The following KIAA1671 variants were observed in gnomAD, a reference collection of about 807,000 sequenced individuals.
KIAA1671 encodes the protein uncharacterized protein KIAA1671.
A neutral mutation model predicts 131.2 loss-of-function variants in KIAA1671; 52 were observed. The observed-to-expected ratio is 0.40, with a 90% confidence interval of 0.32 to 0.50. The LOEUF (loss-of-function observed/expected upper bound fraction) is 0.50, where lower values mean the gene tolerates loss of function less well. Among genes scored for constraint, KIAA1671 ranks in the 20% least tolerant of loss-of-function variants. KIAA1671 has a pLI of 0.73. For synonymous variants in KIAA1671, 1,003 were observed against 961.6 expected (o/e 1.04, Z -0.80); for missense variants, 2,360 against 2,364.2 (o/e 1.00, Z 0.04).
At chr22:25,151,070 A>G (rs1933023365) in intron 6 of KIAA1671, among the ~76,000 whole-genome samples, 1 of 151,604 alleles carries the variant, frequency 6.6e-6, no homozygotes, top group Admixed American at 6.6e-5. Context: ...TTCTGACCTC[A>G]TGATCCGCCT....
intron 2 of KIAA1671, among the ~76,000 whole-genome samples, chr22:25,027,434 G>A (rs1291646657): frequency 1.3e-5 from 2 of 152,180 alleles, no homozygotes; most frequent in African/African-American, 2.4e-5. Context: ...CTGGGATGTG[G>A]GCAGGCTCTG....
At chr22:25,130,833 C>G (rs1233192447) in intron 6 of KIAA1671, among the ~76,000 whole-genome samples, 1 of 152,158 alleles carries the variant, frequency 6.6e-6, no homozygotes, top group Non-Finnish European at 1.5e-5. Flanking sequence ...GAGTCCCATG[C>G]CTGAATGTCA....
chr22:25,178,264 G>A (rs1438448664), intron 9 of KIAA1671, among the ~76,000 whole-genome samples: 3 of 152,186 alleles, frequency 2.0e-5, no homozygotes, highest in African/African-American at 7.2e-5. Context: ...GAGGCCTAGA[G>A]TCAGGCCTCG....
intron 6 of KIAA1671, among the ~76,000 whole-genome samples, chr22:25,150,835 G>GTTTTTTTTTTTT (rs1933010529): frequency 1.3e-4 from 15 of 111,252 alleles, no homozygotes; most frequent in Non-Finnish European, 2.2e-4. Flanking sequence ...TGGGTCCTTT[G>GTTTTTTTTTTTT]CTTTTTTTTT....
Position 25,197,377 on chromosome 22 carries a change from G to C in KIAA1671, c.*4976G>C, listed in dbSNP as rs1428771405. The C allele has an allele frequency of 1.3e-5, 2 of 152,234 alleles. No homozygotes were observed. The highest frequency in any genetic ancestry group is 3.8e-4 in the East Asian group (2 of 5,204). 9.4% of individuals were successfully genotyped at this position (152,234 alleles called of 1,614,324 possible). On this transcript the variant is annotated 3_prime_UTR_variant, in exon 13 of 13. Coordinates refer to ENST00000358431, the MANE Select transcript of KIAA1671 (RefSeq NM_001145206.2). ...ACTGCAATAAAACAAGATGACCTTT[G>C]CATGTACAAAGATGTTGCATTCAGA...
At chr22:25,144,162 C>T (rs1400656783) in intron 6 of KIAA1671, among the ~76,000 whole-genome samples, 2 of 152,168 alleles carry the variant, frequency 1.3e-5, no homozygotes, top group Admixed American at 6.5e-5. Flanking sequence ...TGCCCCTTCC[C>T]TTTTTTAACT....
chr22:25,047,379 G>C (rs1927302271), intron 5 of KIAA1671, among the ~76,000 whole-genome samples: 1 of 151,762 alleles, frequency 6.6e-6, no homozygotes, highest in African/African-American at 2.4e-5. Context: ...TTGAACTCCT[G>C]ACCTCAAGTG....
chr22:25,072,999 C>T (rs1928910438), intron 6 of KIAA1671, among the ~76,000 whole-genome samples: 1 of 152,194 alleles, frequency 6.6e-6, no homozygotes, highest in African/African-American at 2.4e-5. Context: ...TAATGTTGCC[C>T]ATTCACTAGG....
At chr22:25,081,510 T>C (rs1182667013) in intron 6 of KIAA1671, among the ~76,000 whole-genome samples, 1 of 152,274 alleles carries the variant, frequency 6.6e-6, no homozygotes, top group African/African-American at 2.4e-5. Context: ...AAGGGAGGAA[T>C]TGAACCCACA....
Position 25,106,738 on chromosome 22 carries a change from CA to C in KIAA1671, c.4530+57379del, listed in dbSNP as rs1931022739. On this transcript the variant is annotated intron_variant, in intron 6 of 12. Coordinates refer to ENST00000358431, the MANE Select transcript of KIAA1671 (RefSeq NM_001145206.2). The stretch of plus-strand genomic sequence containing the variant: ...TGTTTTTAAAAAATTAAAATTAATG[CA>C]AAAATTTGTGATGAGAAAGGAATCA... Among the ~76,000 whole-genome samples, 3 of 152,086 alleles carry C rather than the reference CA, an allele frequency of 2.0e-5. No homozygotes were observed. The South Asian group carries it at 6.2e-4, about 32-fold the overall frequency.
intron 6 of KIAA1671, chr22:25,062,865 G>T (rs1407499116): frequency 7.5e-6 from 1 of 133,934 alleles, no homozygotes; most frequent in African/African-American, 2.9e-5. Context: ...TGTTTTCAGT[G>T]ATTTCAAATG....
At chr22:24,988,795 G>C (rs1923690142) in intron 1 of KIAA1671, among the ~76,000 whole-genome samples, 1 of 151,582 alleles carries the variant, frequency 6.6e-6, no homozygotes, top group African/African-American at 2.4e-5. Flanking sequence ...ATTGTGGTCC[G>C]GTGTCAGACC....
intron 6 of KIAA1671, among the ~76,000 whole-genome samples, chr22:25,155,966 G>A (rs1384131817): frequency 1.4e-5 from 2 of 138,064 alleles, no homozygotes; most frequent in Non-Finnish European, 3.1e-5. Context: ...ATATATGTAT[G>A]TGTGTATTTG....
chr22:25,029,578 C>T, intron 3 of KIAA1671, 38 bp downstream of exon 3: 1 of 1,407,826 alleles, frequency 7.1e-7, no homozygotes, highest in Non-Finnish European at 9.5e-7. Flanking sequence ...CTCAGCCGCC[C>T]ACCCACACAC....
intron 1 of KIAA1671, among the ~76,000 whole-genome samples, chr22:24,979,769 T>G (rs1923131055): frequency 2.0e-5 from 3 of 152,150 alleles, no homozygotes; most frequent in Admixed American, 2.0e-4. Flanking sequence ...CTTCTACTCA[T>G]GAACAACGCC....
chr22:24,992,641 C>T (rs1923901028), intron 1 of KIAA1671, among the ~76,000 whole-genome samples: 1 of 151,540 alleles, frequency 6.6e-6, no homozygotes, highest in Non-Finnish European at 1.5e-5. Flanking sequence ...ATGGTGAAAC[C>T]CCCTCTCTAC....
rs1380158023 is a variant in KIAA1671 at position 25,039,506 on chromosome 22, C to T, written c.2376C>T (p.Ser792=). 3.9e-6 allele frequency: 6 copies of T among 1,551,746 alleles called. No homozygotes were observed. The East Asian group carries it at 7.3e-5, about 19-fold the overall frequency. ...GTGGTTTGGAAGGTCAGGCGGGGTC[C>T]GTCCAAAGGGCCAGTTTGATTTGGG... The part of the protein sequence containing the change: ...LECGLEGQAG[S]VQRASLIWEA... The change falls in exon 5 of 13, where the codon TCC becomes TCT. Residue 792 remains serine (S), a synonymous_variant. Coordinates refer to ENST00000358431, the MANE Select transcript of KIAA1671 (RefSeq NM_001145206.2).
intron 6 of KIAA1671, among the ~76,000 whole-genome samples, chr22:25,082,061 G>A (rs1289826183): frequency 6.6e-6 from 1 of 152,126 alleles, no homozygotes; most frequent in Non-Finnish European, 1.5e-5. Flanking sequence ...TACCCGCACT[G>A]TTTGCTGCTG....
rs542848205 is a variant in KIAA1671 at position 25,148,145 on chromosome 22, C to A, written c.4531-22675C>A. On this transcript the variant is annotated intron_variant, in intron 6 of 12. Coordinates refer to ENST00000358431, the MANE Select transcript of KIAA1671 (RefSeq NM_001145206.2). ...AAGAAGGAGGTAAGCCTAGTGTGGT[C>A]CCGGCACTCCCTCAGAGGCCAGCCC... Among the ~76,000 whole-genome samples, 37 of 152,086 alleles carry A rather than the reference C, an allele frequency of 2.4e-4. 1 individual carries two copies. The South Asian group carries it at 7.1e-3, about 29-fold the overall frequency.
Sources: allele counts gnomAD v4.1 joint callset (sites outside exome capture counted in the v4.1 genomes callset), GRCh38; gene constraint gnomAD v4.1.1; transcripts MANE v1.5; gene names NCBI Gene and HGNC (gene_info 2026-07-23, HGNC 2026-07-21).